FYB1: variants seen among roughly 807,000 people sequenced by gnomAD.
The protein encoded by FYB1 is FYN binding protein 1.
FYB1 carries 41 observed loss-of-function variants against 94.1 expected under a neutral mutation model. The observed-to-expected ratio is 0.44, with a 90% CI of 0.34 to 0.57. The LOEUF (loss-of-function observed/expected upper bound fraction) is 0.57, where lower values mean the gene tolerates loss of function less well. FYB1 is among the 20% of genes least tolerant of loss of function. The probability of loss-of-function intolerance (pLI) is 0.02; values close to 1 mark genes in which losing one functional copy is unlikely to be tolerated. For synonymous variants in FYB1, 367 were observed against 353.2 expected (o/e 1.04, Z -0.44); for missense variants, 1,050 against 976.8 (o/e 1.07, Z -1.00).
intron 1 of FYB1, among the ~76,000 whole-genome samples, chr5:39,209,253 T>C (rs1749136621): frequency 6.6e-6 from 1 of 152,130 alleles, no homozygotes; most frequent in African/African-American, 2.4e-5. Context: ...TTCACAAGCA[T>C]CGTAGATAAC....
chr5:39,238,240 T>A (rs945686788), intron 1 of FYB1, among the ~76,000 whole-genome samples: 19 of 152,006 alleles, frequency 1.2e-4, no homozygotes, highest in Admixed American at 3.3e-4. Flanking sequence ...ACATATATAT[T>A]ATATACATCC....
chr5:39,211,334 T>G (rs1300051608), intron 1 of FYB1, among the ~76,000 whole-genome samples: 3 of 151,008 alleles, frequency 2.0e-5, no homozygotes, highest in Admixed American at 6.6e-5. Context: ...TTTTTTTTTT[T>G]TTTTGAGACG....
chr5:39,183,245 C>A (rs1214913248), intron 2 of FYB1, among the ~76,000 whole-genome samples: 3 of 152,138 alleles, frequency 2.0e-5, no homozygotes, highest in African/African-American at 7.2e-5. Flanking sequence ...CTCGGCCTCC[C>A]AAAATGCTGG....
intron 2 of FYB1, among the ~76,000 whole-genome samples, chr5:39,178,381 C>G (rs1452744666): frequency 6.6e-6 from 1 of 152,054 alleles, no homozygotes; most frequent in Non-Finnish European, 1.5e-5. Flanking sequence ...TACTGTATGC[C>G]CTACAGTTTT....
At chr5:39,199,804 C>A (rs1188054634) in intron 2 of FYB1, among the ~76,000 whole-genome samples, 3 of 152,076 alleles carry the variant, frequency 2.0e-5, no homozygotes, top group African/African-American at 7.2e-5. Flanking sequence ...TCACTGTACA[C>A]CATTTTACAC....
At chr5:39,114,907 T>C (rs1739387393) in intron 16 of FYB1, among the ~76,000 whole-genome samples, 1 of 152,094 alleles carries the variant, frequency 6.6e-6, no homozygotes, top group Non-Finnish European at 1.5e-5. Flanking sequence ...AATAGGTTGG[T>C]AAAACAATAA....
intron 5 of FYB1, 136 bp downstream of exon 5, chr5:39,139,097 A>T: frequency 1.1e-6 from 1 of 937,262 alleles, no homozygotes; most frequent in African/African-American, 1.7e-5. Context: ...TAGATGAAAT[A>T]AGATTAGAAA....
chr5:39,130,057 A>G (rs1020981043), intron 10 of FYB1, among the ~76,000 whole-genome samples: 9 of 151,088 alleles, frequency 6.0e-5, no homozygotes, highest in Non-Finnish European at 1.2e-4. Flanking sequence ...TACGCAATGA[A>G]ATACTATTTG....
chr5:39,111,351 G>A (rs1027940838), intron 16 of FYB1, among the ~76,000 whole-genome samples: 1 of 151,758 alleles, frequency 6.6e-6, no homozygotes, highest in African/African-American at 2.4e-5. Context: ...GTCCACTTTA[G>A]ATCTAATTTT....
At position 39,126,028 on chromosome 5, in the gene FYB1, A is replaced by C; in HGVS notation, c.2015T>G (p.Val672Gly). The stretch of plus-strand genomic sequence containing the variant: ...ACCTTCATTATTGTCTGAGTCAGAG[A>C]CTTTAGGTTTCTCTCGTATACTTTT... ...RKKSIREKPK[V>G]SDSDNNEGSS... is the part of the protein sequence containing the mutation. The change falls in exon 12 of 19, where the codon GTC becomes GGC. Residue 672 changes from valine to glycine, a missense_variant. Val to Gly is a moderately radical substitution (Grantham distance 109). Transcript: ENST00000512982. 6.2e-7 allele frequency: 1 copy of C among 1,613,428 alleles called. No homozygotes were observed. The highest frequency in any genetic ancestry group is 8.5e-7 in the Non-Finnish European group (1 of 1,179,664).
At chr5:39,239,272 C>T (rs903035835) in intron 1 of FYB1, among the ~76,000 whole-genome samples, 2 of 152,112 alleles carry the variant, frequency 1.3e-5, no homozygotes, top group Admixed American at 1.3e-4. Context: ...TTTTCACTCT[C>T]ACCACTCCTA....
At chr5:39,216,149 G>A (rs1280967380) in intron 1 of FYB1, among the ~76,000 whole-genome samples, 1 of 152,030 alleles carries the variant, frequency 6.6e-6, no homozygotes, top group African/African-American at 2.4e-5. Flanking sequence ...CAAAACTGAG[G>A]GAGAATAGAT....
At chr5:39,243,660 T>A (rs1249309264) in intron 1 of FYB1, among the ~76,000 whole-genome samples, 1 of 152,320 alleles carries the variant, frequency 6.6e-6, no homozygotes, top group African/African-American at 2.4e-5. Context: ...TAAAGTAGTT[T>A]TTTCCAATTC....
intron 1 of FYB1, among the ~76,000 whole-genome samples, chr5:39,251,663 C>G (rs1468715886): frequency 6.6e-6 from 1 of 151,596 alleles, no homozygotes; most frequent in Non-Finnish European, 1.5e-5. Flanking sequence ...CAGAAAAATA[C>G]AATTAGAATC....
chr5:39,265,978 G>GTT (rs142472884), intron 1 of FYB1, among the ~76,000 whole-genome samples: 1,962 of 134,192 alleles, frequency 0.015, 53 homozygotes, highest in African/African-American at 0.049. Flanking sequence ...AATTTTTACT[G>GTT]TTTTTTTTTT....
intron 1 of FYB1, among the ~76,000 whole-genome samples, chr5:39,203,306 T>C (rs1043318347): frequency 2.0e-5 from 3 of 152,240 alleles, no homozygotes; most frequent in Admixed American, 6.5e-5. Context: ...CTTGGTATTA[T>C]TTATTTTTAA....
chr5:39,243,002 G>A (rs1362526554), intron 1 of FYB1, among the ~76,000 whole-genome samples: 1 of 152,120 alleles, frequency 6.6e-6, no homozygotes, highest in African/African-American at 2.4e-5. Flanking sequence ...TTTATTTCTT[G>A]TAAATTTGTT....
intron 2 of FYB1, among the ~76,000 whole-genome samples, chr5:39,153,917 G>A (rs892475065): frequency 1.3e-5 from 2 of 151,912 alleles, no homozygotes; most frequent in Admixed American, 6.6e-5. Flanking sequence ...GGGACTACAC[G>A]CGTGCACCAC....
intron 1 of FYB1, among the ~76,000 whole-genome samples, chr5:39,253,062 C>T (rs7700789): frequency 0.32 from 48,963 of 151,790 alleles, 9,586 homozygotes; most frequent in African/African-American, 0.56. Flanking sequence ...AAGGGGTAGA[C>T]AGAAACAATC....
Sources: allele counts gnomAD v4.1 joint callset (sites outside exome capture counted in the v4.1 genomes callset), GRCh38; gene constraint gnomAD v4.1.1; transcripts MANE v1.5; gene names NCBI Gene and HGNC (gene_info 2026-07-23, HGNC 2026-07-21).